Variants in STON1 observed in about 807,000 individuals in gnomAD.
The protein encoded by STON1 is stonin 1.
A neutral mutation model predicts 60.9 loss-of-function variants in STON1; 79 were observed. The ratio of observed to expected loss-of-function variants is 1.30; its 90% CI spans 1.08 to 1.56. STON1 has a LOEUF of 1.56. Ranked by LOEUF, STON1 falls within the 40% of genes most tolerant of loss-of-function variation. STON1 has a pLI of 0.00. For synonymous variants in STON1, 363 were observed against 306.9 expected (o/e 1.18, Z -1.91); for missense variants, 1,166 against 858.9 (o/e 1.36, Z -4.47).
chr2:48,558,379 G>GT (rs1672470602), intron 1 of STON1, among the ~76,000 whole-genome samples: 1 of 152,250 alleles, frequency 6.6e-6, no homozygotes, highest in Non-Finnish European at 1.5e-5. Flanking sequence ...AGCAGTACTT[G>GT]CCTGTGTCCA....
At chr2:48,549,891 G>C (rs985886790) in intron 1 of STON1, among the ~76,000 whole-genome samples, 1 of 151,970 alleles carries the variant, frequency 6.6e-6, no homozygotes, top group Non-Finnish European at 1.5e-5. Context: ...GCTGGGGGTG[G>C]GTGGGGTGGT....
In STON1 at chr2:48,596,993, C is replaced by T. The variant is rs1436778527; in HGVS notation, c.*1691C>T. On this transcript the variant is annotated 3_prime_UTR_variant, in exon 4 of 4. Coordinates refer to ENST00000404752, the MANE Select transcript of STON1 (RefSeq NM_006873.4). The stretch of plus-strand genomic sequence containing the variant: ...GCCTCCAACTAGCTGGGATTACAGG[C>T]ACAAGCCACCATGCCTGGCTAAAAT... 6.6e-6 allele frequency: 1 copy of T among 152,132 alleles called. No homozygotes were observed. Among genetic ancestry groups the T allele is most frequent in the African/African-American group, 2.4e-5 (1 of 41,418 alleles). 9.4% of individuals were successfully genotyped at this position (152,132 alleles called of 1,614,324 possible). A position where few individuals can be genotyped will look rare whatever the true frequency, so the allele number is the denominator to read the frequency against.
At chr2:48,569,501 T>C (rs1673097287) in intron 1 of STON1, among the ~76,000 whole-genome samples, 1 of 152,224 alleles carries the variant, frequency 6.6e-6, no homozygotes, top group Non-Finnish European at 1.5e-5. Context: ...GAAAAGACCA[T>C]TTAAAATTAT....
intron 1 of STON1, among the ~76,000 whole-genome samples, chr2:48,579,994 C>A (rs1402769393): frequency 6.6e-6 from 1 of 152,190 alleles, no homozygotes; most frequent in Non-Finnish European, 1.5e-5. Flanking sequence ...GCAACCTCTG[C>A]CTCCCAGGTT....
intron 1 of STON1, among the ~76,000 whole-genome samples, chr2:48,564,470 C>CTTCT (rs1553359319): frequency 1.8e-4 from 10 of 54,528 alleles, no homozygotes; most frequent in African/African-American, 7.3e-4. Flanking sequence ...TCTTCTTCTT[C>CTTCT]TTCTTCTTCT....
rs1347611586 is a variant in STON1 at position 48,582,416 on chromosome 2, G to C, written c.1783G>C (p.Ala595Pro). ...CCTCCAGAGGCAGAAGTCTCTGAAAGCTAAAATGAACCGCCGAGCATGTCT... is the reference window on the plus strand; with the variant it reads ...CCTCCAGAGGCAGAAGTCTCTGAAACCTAAAATGAACCGCCGAGCATGTCT... The part of the protein sequence containing the change: ...MNLQRQKSLK[A>P]KMNRRACLGS... The change falls in exon 2 of 4, where the codon GCT becomes CCT. Residue 595 changes from alanine to proline, a missense_variant. Coordinates refer to ENST00000404752, the MANE Select transcript of STON1 (RefSeq NM_006873.4). 6.2e-7 allele frequency: 1 copy of C among 1,614,188 alleles called. No individual in the cohort carries two copies. Among genetic ancestry groups the C allele is most frequent in the Non-Finnish European group, 8.5e-7 (1 of 1,180,040 alleles).
intron 1 of STON1, among the ~76,000 whole-genome samples, chr2:48,563,781 C>T (rs1572951207): frequency 6.6e-6 from 1 of 151,924 alleles, no homozygotes; most frequent in Non-Finnish European, 1.5e-5. Flanking sequence ...GCAGCGTCAA[C>T]CTTCCAGGTT....
intron 1 of STON1, among the ~76,000 whole-genome samples, chr2:48,545,412 C>T (rs1166292616): frequency 2.6e-5 from 4 of 152,202 alleles, no homozygotes; most frequent in Admixed American, 6.5e-5. Flanking sequence ...TGTGTGCAAC[C>T]ACACGGGCGC....
intron 1 of STON1, among the ~76,000 whole-genome samples, chr2:48,568,544 A>G (rs1240970266): frequency 1.3e-5 from 2 of 152,148 alleles, no homozygotes; most frequent in Non-Finnish European, 2.9e-5. Context: ...GTTACACAAA[A>G]TTTGGAAAAT....
intron 3 of STON1, among the ~76,000 whole-genome samples, chr2:48,593,884 C>T (rs1674660516): frequency 1.3e-5 from 2 of 152,158 alleles, no homozygotes; most frequent in Non-Finnish European, 2.9e-5. Flanking sequence ...TGTGCAGCCC[C>T]TTCAGACCTG....
Position 48,581,753 on chromosome 2 carries a change from C to T in STON1, c.1120C>T (p.Gln374Ter). ...TEVVHEPDIE[Q>*]MLKLGSTSYH... ...AGTAGTTCATGAACCTGACATAGAG[C>T]AGATGCTGAAGTTGGGGTCCACATC... is the stretch of plus-strand genomic sequence containing the variant. Residue 374 changes from glutamine (Q) to a stop codon, truncating the protein, a stop_gained, in exon 2 of 4, where the codon CAG becomes TAG. Coordinates refer to ENST00000404752, the MANE Select transcript of STON1 (RefSeq NM_006873.4). LOFTEE classifies it high-confidence loss of function. The T allele has an allele frequency of 1.2e-6, 2 of 1,613,426 alleles. No homozygotes were observed. Among genetic ancestry groups the T allele is most frequent in the Non-Finnish European group, 1.7e-6 (2 of 1,179,912 alleles).
rs1377663962 is a variant in STON1, at chr2:48,591,764, G to A, written c.2042G>A (p.Cys681Tyr). 1 of 1,614,042 alleles carries A rather than the reference G, an allele frequency of 6.2e-7. No individual in the cohort carries two copies. Among genetic ancestry groups the A allele is most frequent in the Non-Finnish European group, 8.5e-7 (1 of 1,180,054 alleles). Residue 681 changes from cysteine to tyrosine, a missense_variant, in exon 3 of 4, where the codon TGT becomes TAT. Cys to Tyr is a radical substitution (Grantham distance 194). Coordinates refer to ENST00000404752, the MANE Select transcript of STON1 (RefSeq NM_006873.4). Reference protein sequence around the residue: ...ATVQFSVPDTCASRTEVRSLG... With the variant: ...ATVQFSVPDTYASRTEVRSLG... ...GTTCAGTTTTCCGTGCCTGACACCT[G>A]TGCCTCAAGGACAGAGGTCAGGTCT...
chr2:48,541,676 G>A (rs1671657964), intron 1 of STON1, among the ~76,000 whole-genome samples: 1 of 142,478 alleles, frequency 7.0e-6, no homozygotes, highest in Admixed American at 7.1e-5. Context: ...TCCATCCTGG[G>A]TGACAAGAGT....
intron 1 of STON1, among the ~76,000 whole-genome samples, chr2:48,533,330 C>T (rs1349588491): frequency 1.3e-5 from 2 of 151,392 alleles, no homozygotes; most frequent in Non-Finnish European, 2.9e-5. Flanking sequence ...TGCAGTGAGC[C>T]GACTGCACCA....
At chr2:48,543,322 T>A (rs1164938071) in intron 1 of STON1, among the ~76,000 whole-genome samples, 1 of 152,018 alleles carries the variant, frequency 6.6e-6, no homozygotes, top group African/African-American at 2.4e-5. Flanking sequence ...TTGGGCGAAT[T>A]TCCTGAAACT....
intron 1 of STON1, among the ~76,000 whole-genome samples, chr2:48,561,022 C>A (rs1672588920): frequency 6.6e-6 from 1 of 152,208 alleles, no homozygotes; most frequent in Non-Finnish European, 1.5e-5. Context: ...GTCTTACTTT[C>A]TCCTTTTCAT....
chr2:48,564,458 C>A (rs1228622762), intron 1 of STON1, among the ~76,000 whole-genome samples: 35 of 54,332 alleles, frequency 6.4e-4, no homozygotes, highest in African/African-American at 2.0e-3. Context: ...TCTTCTTCTT[C>A]TTCTTCTTCT....
chr2:48,576,879 C>T, intron 1 of STON1, among the ~76,000 whole-genome samples: 1 of 151,394 alleles, frequency 6.6e-6, no homozygotes. Context: ...ACGGTGAAAC[C>T]CTGTCTCTAC....
Position 48,582,377 on chromosome 2 carries a change from C to A in STON1, c.1744C>A (p.Leu582Ile), listed in dbSNP as rs755254150. ...TGTCCCATCGCAGTGGATCAAGGCC[C>A]TTTGGACCATGAACCTCCAGAGGCA... ...FPVPSQWIKA[L>I]WTMNLQRQKS... The change falls in exon 2 of 4, where the codon CTT (leucine) becomes ATT (isoleucine). Residue 582 changes from leucine (L) to isoleucine (I), a missense_variant. Coordinates refer to ENST00000404752, the MANE Select transcript of STON1 (RefSeq NM_006873.4). 3.1e-6 allele frequency: 5 copies of A among 1,613,996 alleles called. No individual in the cohort carries two copies. The highest frequency in any genetic ancestry group is 2.2e-5 in the South Asian group (2 of 91,074).
Sources: gnomAD v4.1 joint callset for allele counts (sites outside exome capture counted in the v4.1 genomes callset) on GRCh38, gnomAD v4.1.1 for gene constraint, MANE v1.5 for transcripts, NCBI Gene and HGNC (gene_info 2026-07-23, HGNC 2026-07-21) for gene names.